The following EFCAB6 variants were observed in gnomAD, a reference collection of about 807,000 sequenced individuals.
The protein encoded by EFCAB6 is EF-hand calcium binding domain 6.
A neutral mutation model predicts 169.8 loss-of-function variants in EFCAB6; 156 were observed. That is an observed-to-expected ratio of 0.92 (90% CI 0.81 to 1.05). The LOEUF (loss-of-function observed/expected upper bound fraction) is 1.05, where lower values mean the gene tolerates loss of function less well. Ranked by LOEUF, EFCAB6 falls within the 50% of genes least tolerant of loss-of-function variation. The pLI, the probability that EFCAB6 is intolerant of heterozygous loss-of-function variation, is 0.00. For missense variants in EFCAB6, 1,800 were observed against 1,829.1 expected (o/e 0.98, Z 0.29); for synonymous variants, 698 against 676.4 (o/e 1.03, Z -0.50).
At chr22:43,598,328 A>ACAAAAAG (rs1569223256) in intron 23 of EFCAB6, among the ~76,000 whole-genome samples, 1 of 124,292 alleles carries the variant, frequency 8.0e-6, no homozygotes, top group Non-Finnish European at 1.8e-5. Context: ...AAAAAAAAAA[A>ACAAAAAG]AAAAAAAAAA....
chr22:43,599,338 C>T (rs1410444710), intron 23 of EFCAB6, among the ~76,000 whole-genome samples: 1 of 151,704 alleles, frequency 6.6e-6, no homozygotes, highest in Admixed American at 6.6e-5. Context: ...GGTGAAACCT[C>T]ACCTCTACTA....
intron 27 of EFCAB6, among the ~76,000 whole-genome samples, chr22:43,549,613 T>C (rs1169898322): frequency 2.0e-5 from 3 of 152,120 alleles, no homozygotes; most frequent in Admixed American, 6.5e-5. Flanking sequence ...GTTCAATAAA[T>C]GGACAGCTCC....
intron 3 of EFCAB6, among the ~76,000 whole-genome samples, chr22:43,780,902 G>C (rs1009283420): frequency 2.0e-5 from 3 of 152,134 alleles, no homozygotes; most frequent in African/African-American, 4.8e-5. Context: ...CATAAACCCA[G>C]CTTCTTCTTT....
At chr22:43,785,802 G>T (rs2062055531) in intron 2 of EFCAB6, among the ~76,000 whole-genome samples, 1 of 152,118 alleles carries the variant, frequency 6.6e-6, no homozygotes, top group Admixed American at 6.6e-5. Context: ...AATCAGTGAT[G>T]AAAGGAGACA....
At chr22:43,751,748 T>G (rs775223492) in intron 6 of EFCAB6, among the ~76,000 whole-genome samples, 40 of 152,370 alleles carry the variant, frequency 2.6e-4, no homozygotes, top group Non-Finnish European at 4.1e-4. Context: ...CTCTCTGTGA[T>G]GGACTGGGTC....
At chr22:43,578,877 T>TCC (rs2050459793) in intron 25 of EFCAB6, among the ~76,000 whole-genome samples, 1 of 148,380 alleles carries the variant, frequency 6.7e-6, no homozygotes, top group Non-Finnish European at 1.5e-5. Flanking sequence ...CAGGCATCAT[T>TCC]GTCTACATGC....
chr22:43,565,480 T>C (rs138534586), intron 26 of EFCAB6, among the ~76,000 whole-genome samples: 20 of 152,338 alleles, frequency 1.3e-4, no homozygotes, highest in African/African-American at 4.8e-4. Flanking sequence ...CACAGATGGC[T>C]TTTTAGGCAT....
intron 21 of EFCAB6, among the ~76,000 whole-genome samples, chr22:43,615,326 C>T (rs2147710814): frequency 6.6e-6 from 1 of 152,278 alleles, no homozygotes; most frequent in African/African-American, 2.4e-5. Flanking sequence ...CATCTCAATA[C>T]CATAATCACA....
intron 26 of EFCAB6, among the ~76,000 whole-genome samples, chr22:43,562,770 A>G (rs1324739441): frequency 5.8e-5 from 1 of 17,350 alleles, no homozygotes; most frequent in Non-Finnish European, 1.1e-4. Context: ...AGCCCAGGTC[A>G]GGGGTGGGAG....
chr22:43,784,511 A>ATATGTG lies in EFCAB6; in HGVS notation c.-7-2187_-7-2186insCACATA, dbSNP rs1382847722. Among the ~76,000 whole-genome samples, 92 of 91,388 alleles carry ATATGTG rather than the reference A, an allele frequency of 1.0e-3. 1 individual carries two copies. The highest frequency in any genetic ancestry group is 3.7e-3 in the African/African-American group (88 of 23,688). 60.0% of individuals were successfully genotyped at this position (91,388 alleles called of 152,430 possible). A position where few individuals can be genotyped will look rare whatever the true frequency, so the allele number is the denominator to read the frequency against. ...ACCAAAAAAAAAAAAAAATATATAT[A>ATATGTG]TGTGTGTGTGTGTGTGTGTGTGTGT... is the stretch of plus-strand genomic sequence containing the variant. On this transcript the variant is annotated intron_variant, in intron 2 of 31. Coordinates refer to ENST00000262726, the MANE Select transcript of EFCAB6 (RefSeq NM_022785.4).
chr22:43,639,065 C>T (rs145223452), intron 17 of EFCAB6, among the ~76,000 whole-genome samples: 34 of 152,246 alleles, frequency 2.2e-4, no homozygotes, highest in African/African-American at 8.2e-4. Flanking sequence ...GGTTGTCCTG[C>T]ACCCTGTTCT....
At chr22:43,711,742 A>AG in intron 9 of EFCAB6, 119 bp from the exon 10 acceptor site, 1 of 1,226,376 alleles carries the variant, frequency 8.2e-7, no homozygotes, top group Non-Finnish European at 1.1e-6. Context: ...CTGATCAAAA[A>AG]GGTTACTATG....
intron 17 of EFCAB6, among the ~76,000 whole-genome samples, chr22:43,664,858 T>C (rs1569341814): frequency 6.6e-6 from 1 of 152,062 alleles, no homozygotes; most frequent in South Asian, 2.1e-4. Context: ...GAGGGGTCGC[T>C]CTGGCTGCTG....
In EFCAB6 at chr22:43,694,705, A is replaced by T. The variant is rs140541076; in HGVS notation, c.1032-7124T>A. ...CATAGTAATAGAATAATGGAGAAAA[A>T]CTACATGCTCATTAGGATAGACACA... On this transcript the variant is annotated intron_variant, in intron 10 of 31. Transcript: ENST00000262726. 1.6e-4 allele frequency among the ~76,000 whole-genome samples: 25 copies of T among 152,154 alleles called. No homozygotes were observed. The East Asian group carries it at 4.4e-3, about 27-fold the overall frequency.
intron 5 of EFCAB6, among the ~76,000 whole-genome samples, chr22:43,756,355 C>T (rs1052754251): frequency 3.3e-5 from 5 of 152,342 alleles, no homozygotes; most frequent in African/African-American, 1.2e-4. Flanking sequence ...TCGGGCTCTA[C>T]GTCCCCTTAA....
chr22:43,748,294 C>T (rs1408624200), intron 6 of EFCAB6, among the ~76,000 whole-genome samples: 1 of 152,214 alleles, frequency 6.6e-6, no homozygotes, highest in Non-Finnish European at 1.5e-5. Flanking sequence ...CCTTCAAATG[C>T]ATCTTTTCCG....
At chr22:43,651,200 A>G (rs1248404827) in intron 17 of EFCAB6, among the ~76,000 whole-genome samples, 2 of 152,172 alleles carry the variant, frequency 1.3e-5, no homozygotes. Context: ...AGGAAAAAGC[A>G]GTTTCATAGG....
intron 5 of EFCAB6, 95 bp from the exon 6 acceptor site, chr22:43,755,927 T>A: frequency 8.4e-7 from 1 of 1,185,044 alleles, no homozygotes; most frequent in Non-Finnish European, 1.2e-6. Flanking sequence ...GATTTCCAAA[T>A]AATCTATTTT....
At chr22:43,561,535 C>T (rs1261703137) in intron 26 of EFCAB6, among the ~76,000 whole-genome samples, 1 of 152,010 alleles carries the variant, frequency 6.6e-6, no homozygotes, top group East Asian at 1.9e-4. Context: ...GCCCAGAGAA[C>T]CACACCGCCC....
Sources: gnomAD v4.1 joint callset for allele counts (sites outside exome capture counted in the v4.1 genomes callset) on GRCh38, gnomAD v4.1.1 for gene constraint, MANE v1.5 for transcripts, NCBI Gene and HGNC (gene_info 2026-07-23, HGNC 2026-07-21) for gene names.